The following EXOC2 variants were observed in gnomAD, a reference collection of about 807,000 sequenced individuals.
EXOC2 encodes SEC5-like 1.
EXOC2 carries 70 observed loss-of-function variants against 131.8 expected under a neutral mutation model. The observed-to-expected ratio is 0.53, with a 90% CI of 0.44 to 0.65. EXOC2 has a LOEUF of 0.65. EXOC2 is among the 30% of genes least tolerant of loss of function. The pLI is 0.00. For synonymous variants in EXOC2, 411 were observed against 398.4 expected, an observed-to-expected ratio of 1.03 and a Z score of -0.38; for missense variants, 923 against 1,108.6, an observed-to-expected ratio of 0.83 and a Z score of 2.38.
intron 11 of EXOC2, among the ~76,000 whole-genome samples, chr6:588,240 C>T (rs897113660): frequency 6.6e-6 from 1 of 152,154 alleles, no homozygotes; most frequent in African/African-American, 2.4e-5. Context: ...ACAGAGGGAA[C>T]AGTTAAGCAT....
chr6:607,849 C>A (rs1760502016), intron 7 of EXOC2, among the ~76,000 whole-genome samples: 1 of 152,090 alleles, frequency 6.6e-6, no homozygotes, highest in Non-Finnish European at 1.5e-5. Context: ...AAACAAAAAA[C>A]AATTTCTTTT....
intron 1 of EXOC2, among the ~76,000 whole-genome samples, chr6:664,555 T>C (rs2127765663): frequency 6.6e-6 from 1 of 152,304 alleles, no homozygotes; most frequent in East Asian, 1.9e-4. Flanking sequence ...AAGGCCATAG[T>C]CACCAAAACA....
At chr6:656,411 G>A (rs201200803) in intron 1 of EXOC2, 9 of 1,613,980 alleles carry the variant, frequency 5.6e-6, no homozygotes, top group Admixed American at 3.3e-5. Context: ...CCACCAGCAC[G>A]TGACTGCCCA....
At chr6:616,648 G>GCTGCATCACATACA (rs1025409574) in intron 6 of EXOC2, among the ~76,000 whole-genome samples, 1 of 149,032 alleles carries the variant, frequency 6.7e-6, no homozygotes, top group East Asian at 2.0e-4. Context: ...CAAGGAAGAA[G>GCTGCATCACATACA]CTGCATCACA....
intron 7 of EXOC2, among the ~76,000 whole-genome samples, chr6:606,751 C>T (rs1199864751): frequency 6.6e-6 from 1 of 152,230 alleles, no homozygotes; most frequent in Non-Finnish European, 1.5e-5. Flanking sequence ...TTCCCCTCCA[C>T]TGAGTTACTC....
intron 1 of EXOC2, among the ~76,000 whole-genome samples, chr6:675,111 C>T (rs1265811210): frequency 1.3e-5 from 2 of 152,192 alleles, no homozygotes; most frequent in Non-Finnish European, 2.9e-5. Flanking sequence ...CTGTGTGGTG[C>T]GGCTTGCCCA....
At chr6:565,310 G>A (rs1388943432) in intron 13 of EXOC2, among the ~76,000 whole-genome samples, 2 of 152,182 alleles carry the variant, frequency 1.3e-5, no homozygotes, top group Non-Finnish European at 2.9e-5. Flanking sequence ...GAAACCAAAG[G>A]AAGCCTAAAC....
At position 500,573 on chromosome 6, in the gene EXOC2, C is replaced by G. The variant is rs191042247; in HGVS notation, c.2381-873G>C. Among the ~76,000 whole-genome samples, 4 of 152,262 alleles carry G rather than the reference C, an allele frequency of 2.6e-5. No homozygotes were observed. The East Asian group carries it at 7.7e-4, about 29-fold the overall frequency. Reference sequence around the variant, plus strand: ...TGAAGGGGGATGCATGCCATAGGTCCTGGCATTCACAGCGTTCACTAAGAG... The same window carrying G: ...TGAAGGGGGATGCATGCCATAGGTCGTGGCATTCACAGCGTTCACTAAGAG... On this transcript the variant is annotated intron_variant, in intron 23 of 27. Coordinates refer to ENST00000230449, the MANE Select transcript of EXOC2 (RefSeq NM_018303.6).
chr6:603,895 T>C (rs1466138692), intron 7 of EXOC2, among the ~76,000 whole-genome samples: 1 of 152,210 alleles, frequency 6.6e-6, no homozygotes, highest in East Asian at 1.9e-4. Context: ...TAATGATAGC[T>C]AATAATGACA....
chr6:601,092 T>C (rs541316642), intron 7 of EXOC2, among the ~76,000 whole-genome samples: 124 of 152,240 alleles, frequency 8.1e-4, no homozygotes, highest in African/African-American at 2.9e-3. Context: ...GGGCTACTAA[T>C]AAGAAAACAA....
At chr6:597,762 G>A (rs552302260) in intron 10 of EXOC2, among the ~76,000 whole-genome samples, 1 of 152,290 alleles carries the variant, frequency 6.6e-6, no homozygotes, top group East Asian at 1.9e-4. Flanking sequence ...GGAGGAAGAG[G>A]TTGAGACTAC....
At chr6:636,740 C>G (rs1023891915) in intron 2 of EXOC2, among the ~76,000 whole-genome samples, 7 of 152,182 alleles carry the variant, frequency 4.6e-5, no homozygotes, top group African/African-American at 1.7e-4. Context: ...TTCAGTAGCA[C>G]AGAGAGGGGC....
rs974080174 is a variant in EXOC2, at chr6:491,315, C to T, written c.2560-129G>A. 41 of 832,050 alleles carry T rather than the reference C, an allele frequency of 4.9e-5. 1 individual carries two copies. Among genetic ancestry groups the T allele is most frequent in the African/African-American group, 3.6e-4 (21 of 58,290 alleles). The allele number at this position is 832,050 out of a possible 1,614,324, so 51.5% of individuals were successfully genotyped here. On this transcript the variant is annotated intron_variant, in intron 25 of 27. Transcript: ENST00000230449. The stretch of plus-strand genomic sequence containing the variant: ...GTTGGCGTAATACCACCATGGTGAC[C>T]GCCAGTCATGAGTAGAGTTTCTAAA...
intron 1 of EXOC2, among the ~76,000 whole-genome samples, chr6:640,243 GC>G (rs1363492767): frequency 1.3e-5 from 2 of 152,214 alleles, no homozygotes; most frequent in South Asian, 4.1e-4. Flanking sequence ...CAGATAAACA[GC>G]CTCATTCTGT....
intron 1 of EXOC2, among the ~76,000 whole-genome samples, chr6:639,214 G>T (rs892097589): frequency 2.0e-5 from 3 of 152,180 alleles, no homozygotes; most frequent in African/African-American, 7.2e-5. Flanking sequence ...GCTGACCAGG[G>T]ATTTGGGGTA....
rs756200825 is a variant in EXOC2 at position 572,636 on chromosome 6, A to G, written c.1327T>C (p.Tyr443His). 9.9e-6 allele frequency: 16 copies of G among 1,613,632 alleles called. No homozygotes were observed. The highest frequency in any genetic ancestry group is 1.7e-4 in the Middle Eastern group (1 of 6,058). Reference protein sequence around the residue: ...FQSGRDDTWRYKTPHRVAFVE... With the variant: ...FQSGRDDTWRHKTPHRVAFVE... ...AAGGCCACCCTGTGGGGAGTTTTGT[A>G]TCTCCACGCTAAGGGGGAAAAGAAT... Residue 443 changes from tyrosine to histidine, a missense_variant, in exon 13 of 28, where the codon TAC (tyrosine) becomes CAC (histidine). Transcript: ENST00000230449.
At chr6:551,455 A>C (rs989325075) in intron 21 of EXOC2, among the ~76,000 whole-genome samples, 3 of 152,232 alleles carry the variant, frequency 2.0e-5, no homozygotes, top group Non-Finnish European at 4.4e-5. Flanking sequence ...AGGCCCTGCA[A>C]CCTGCAGAGA....
Position 564,067 on chromosome 6 carries a change from A to T in EXOC2, c.1755T>A (p.Arg585=), listed in dbSNP as rs1172079846. ...IQDLILDLRV[R]CVMATLQHTA... is the part of the protein sequence containing the mutation. ...TGTGCTGCAACGTGGCCATTACGCA[A>T]CGTACTCGGAGATCCAAGATGAGAT... The change falls in exon 16 of 28, where the codon CGT becomes CGA. Residue 585 remains arginine, a synonymous_variant. Coordinates refer to ENST00000230449, the MANE Select transcript of EXOC2 (RefSeq NM_018303.6). 4 of 1,614,120 alleles carry T rather than the reference A, an allele frequency of 2.5e-6. No individual in the cohort carries two copies. Among genetic ancestry groups the T allele is most frequent in the Non-Finnish European group, 3.4e-6 (4 of 1,180,020 alleles).
chr6:594,295 A>G (rs1164022849), intron 10 of EXOC2, among the ~76,000 whole-genome samples: 1 of 152,210 alleles, frequency 6.6e-6, no homozygotes, highest in Non-Finnish European at 1.5e-5. Context: ...TTATTACCTG[A>G]ACGATAAATA....
Sources: allele counts gnomAD v4.1 joint callset (sites outside exome capture counted in the v4.1 genomes callset), GRCh38; gene constraint gnomAD v4.1.1; transcripts MANE v1.5; gene names NCBI Gene and HGNC (gene_info 2026-07-23, HGNC 2026-07-21).